The following IL23R variants were observed in gnomAD, a reference collection of about 807,000 sequenced individuals.
The protein encoded by IL23R is interleukin 23 receptor, also known as interleukin-23 receptor.
In IL23R, 34 loss-of-function variants were observed where a neutral mutation model predicts 56.9. The ratio of observed to expected loss-of-function variants is 0.60; its 90% confidence interval spans 0.45 to 0.80. The LOEUF (loss-of-function observed/expected upper bound fraction) is 0.80. Among genes scored for constraint, IL23R ranks in the 30% least tolerant of loss-of-function variants. The pLI is 0.00. For synonymous variants in IL23R, 230 were observed against 249.2 expected (o/e 0.92, Z 0.73); for missense variants, 635 against 730.0 (o/e 0.87, Z 1.50).
Position 67,182,833 on chromosome 1 carries a change from C to T in IL23R, c.368-3C>T. ...ACCTCCTAAGTGTTATGTTTTGTTG[C>T]AGATCCGCCAGATATTCCTGATGAA... On this transcript the variant is annotated splice_region_variant and splice_polypyrimidine_tract_variant and intron_variant, in intron 3 of 10. Coordinates refer to ENST00000347310, the MANE Select transcript of IL23R (RefSeq NM_144701.3). 1 of 1,613,898 alleles carries T rather than the reference C, an allele frequency of 6.2e-7. No individual in the cohort carries two copies. Among genetic ancestry groups the T allele is most frequent in the Non-Finnish European group, 8.5e-7 (1 of 1,179,836 alleles).
chr1:67,162,031 G>T (rs2102544921), upstream of IL23R, among the ~76,000 whole-genome samples: 1 of 152,036 alleles, frequency 6.6e-6, no homozygotes. Flanking sequence ...TAAAGACACA[G>T]ATATGCCATG....
At chr1:67,248,395 T>C (rs1056224718) in intron 9 of IL23R, among the ~76,000 whole-genome samples, 3 of 152,228 alleles carry the variant, frequency 2.0e-5, no homozygotes, top group Non-Finnish European at 4.4e-5. Context: ...TTTCTTCCAC[T>C]TGATTGACTC....
chr1:67,260,892 A>C (rs1028973155), downstream of IL23R, among the ~76,000 whole-genome samples: 1 of 152,152 alleles, frequency 6.6e-6, no homozygotes, highest in Non-Finnish European at 1.5e-5. Flanking sequence ...TCTAAAAAAT[A>C]AATAAATATT....
At chr1:67,214,946 CATTGTATAGA>C (rs559954431) in intron 6 of IL23R, among the ~76,000 whole-genome samples, 80 of 152,294 alleles carry the variant, frequency 5.3e-4, no homozygotes, top group Admixed American at 1.3e-3. Flanking sequence ...AGATTCCAGA[CATTGTATAGA>C]AGAACATTGT....
chr1:67,222,111 T>C (rs868766104), intron 7 of IL23R, among the ~76,000 whole-genome samples: 2 of 117,032 alleles, frequency 1.7e-5, no homozygotes, highest in Admixed American at 1.7e-4. Flanking sequence ...TCTTTTTTTT[T>C]TTTTTTTTTT....
chr1:67,170,914 G>A (rs1397658614), intron 3 of IL23R, among the ~76,000 whole-genome samples: 5 of 152,182 alleles, frequency 3.3e-5, no homozygotes, highest in Non-Finnish European at 4.4e-5. Context: ...TTCAAGAGAA[G>A]GAACTATAGA....
At chr1:67,192,414 T>C (rs1647821506) in intron 4 of IL23R, among the ~76,000 whole-genome samples, 2 of 152,164 alleles carry the variant, frequency 1.3e-5, no homozygotes, top group African/African-American at 4.8e-5. Context: ...CAAAAGTGAT[T>C]TCATCCTGGT....
At chr1:67,253,030 T>A (rs12085634) in intron 9 of IL23R, among the ~76,000 whole-genome samples, 12,770 of 152,206 alleles carry the variant, frequency 0.084, 641 homozygotes, top group Non-Finnish European at 0.1. Flanking sequence ...TTAAGTTAGG[T>A]TACAGTTCAT....
chr1:67,168,041 T>A (rs1646894561), intron 1 of IL23R, 51 bp from the exon 2 acceptor site: 1 of 1,020,070 alleles, frequency 9.8e-7, no homozygotes, highest in African/African-American at 1.6e-5. Flanking sequence ...ATGCTTTTTA[T>A]TATTTTACTA....
chr1:67,253,402 G>A (rs1217347754), intron 9 of IL23R, among the ~76,000 whole-genome samples: 2 of 152,232 alleles, frequency 1.3e-5, no homozygotes, highest in African/African-American at 4.8e-5. Context: ...CAGTTCCCCA[G>A]TGTGTCCAGT....
chr1:67,150,201 A>C (rs1200977903), intron 1 of IL23R, among the ~76,000 whole-genome samples: 1 of 149,194 alleles, frequency 6.7e-6, no homozygotes. Flanking sequence ...CCAGGTTCAT[A>C]TGACCCAACC....
At chr1:67,228,002 CT>C (rs1222256742) in intron 7 of IL23R, among the ~76,000 whole-genome samples, 2 of 106,140 alleles carry the variant, frequency 1.9e-5, no homozygotes, top group South Asian at 5.2e-4. Flanking sequence ...TTCTTTCTTT[CT>C]TTCTTTCTTT....
chr1:67,227,386 T>A (rs1198546617), intron 7 of IL23R, among the ~76,000 whole-genome samples: 1 of 152,006 alleles, frequency 6.6e-6, no homozygotes, highest in East Asian at 1.9e-4. Context: ...CTTGCTTGAA[T>A]TGCTGCTTGC....
intron 4 of IL23R, among the ~76,000 whole-genome samples, chr1:67,195,716 C>T (rs895679148): frequency 6.6e-6 from 1 of 152,172 alleles, no homozygotes; most frequent in African/African-American, 2.4e-5. Context: ...CTCCTCACCC[C>T]TCCAATGACT....
chr1:67,236,245 C>T (rs1312147167), intron 7 of IL23R, among the ~76,000 whole-genome samples: 2 of 152,222 alleles, frequency 1.3e-5, no homozygotes, highest in Non-Finnish European at 2.9e-5. Flanking sequence ...AATTAGGTTT[C>T]TTATGAGGAG....
At chr1:67,237,652 C>T (rs971786576) in intron 8 of IL23R, among the ~76,000 whole-genome samples, 40 of 152,086 alleles carry the variant, frequency 2.6e-4, no homozygotes, top group African/African-American at 9.4e-4. Flanking sequence ...TGACTATTAT[C>T]GTATTGATGA....
At chr1:67,178,327 C>T (rs909523636) in intron 3 of IL23R, among the ~76,000 whole-genome samples, 2 of 152,122 alleles carry the variant, frequency 1.3e-5, no homozygotes, top group African/African-American at 2.4e-5. Context: ...TTGAAGAGGT[C>T]CTTCACATCC....
At chr1:67,209,152 T>C (rs1649278932) in intron 6 of IL23R, among the ~76,000 whole-genome samples, 1 of 152,212 alleles carries the variant, frequency 6.6e-6, no homozygotes, top group South Asian at 2.1e-4. Flanking sequence ...TCATTGTATC[T>C]AGGAAGTAAC....
chr1:67,218,356 G>GTATATATATATATA (rs1272667281), intron 6 of IL23R, among the ~76,000 whole-genome samples: 2 of 137,382 alleles, frequency 1.5e-5, no homozygotes, highest in Non-Finnish European at 3.1e-5. Context: ...GTGTGTGTGT[G>GTATATATATATATA]TGTATATATA....
Sources: allele counts gnomAD v4.1 joint callset (sites outside exome capture counted in the v4.1 genomes callset), GRCh38; gene constraint gnomAD v4.1.1; transcripts MANE v1.5; gene names NCBI Gene and HGNC (gene_info 2026-07-23, HGNC 2026-07-21).